The following NBAS variants were observed in gnomAD, a reference collection of about 807,000 sequenced individuals.
NBAS encodes NAG/BC035112 fusion.
Under a neutral mutation model 302.5 loss-of-function variants are expected in NBAS, and 219 were observed. The observed-to-expected ratio is 0.72, with a 90% confidence interval of 0.65 to 0.81. NBAS has a LOEUF of 0.81. NBAS is among the 30% of genes least tolerant of loss of function. The pLI is 0.00. For synonymous variants in NBAS, 1,118 were observed against 1,021.6 expected, an observed-to-expected ratio of 1.09 and a Z score of -1.80; for missense variants, 2,932 against 2,841.6, an observed-to-expected ratio of 1.03 and a Z score of -0.72.
intron 12 of NBAS, among the ~76,000 whole-genome samples, chr2:15,481,226 C>T (rs1410547361): frequency 2.6e-5 from 4 of 152,122 alleles, no homozygotes; most frequent in African/African-American, 9.7e-5. Context: ...TCCATATATC[C>T]GTTAATGGAC....
intron 22 of NBAS, 104 bp from the exon 23 acceptor site, chr2:15,424,572 C>A: frequency 7.7e-7 from 1 of 1,304,618 alleles, no homozygotes; most frequent in Non-Finnish European, 1.1e-6. Flanking sequence ...AAGTAAGAGA[C>A]AGGGAGCATA....
intron 26 of NBAS, chr2:15,397,499 C>T (rs891414930): frequency 2.5e-5 from 14 of 561,792 alleles, no homozygotes; most frequent in African/African-American, 1.3e-4. Context: ...TGGGGGTGTT[C>T]GGTCCTTGCA....
At chr2:14,794,778 C>T in the NBAS span, among the ~76,000 whole-genome samples, 2 of 152,184 alleles carry the variant, frequency 1.3e-5, no homozygotes, top group Admixed American at 1.3e-4. Context: ...TTCCCCATTC[C>T]CAGTCAAAAA....
the NBAS span, among the ~76,000 whole-genome samples, chr2:14,887,024 T>C: frequency 1.3e-5 from 2 of 152,174 alleles, no homozygotes; most frequent in African/African-American, 4.8e-5. Context: ...TTAAATTGAT[T>C]GACAGAAAAA....
the NBAS span, among the ~76,000 whole-genome samples, chr2:15,038,255 G>A: frequency 6.6e-6 from 1 of 151,698 alleles, no homozygotes; most frequent in African/African-American, 2.4e-5. Context: ...TGGGACTATG[G>A]CGCGCACCAC....
At chr2:15,008,769 C>T in the NBAS span, among the ~76,000 whole-genome samples, 1 of 152,190 alleles carries the variant, frequency 6.6e-6, no homozygotes, top group African/African-American at 2.4e-5. Flanking sequence ...GGAAAGCACA[C>T]ACAGCCAGAT....
intron 28 of NBAS, among the ~76,000 whole-genome samples, chr2:15,386,874 T>G (rs6737962): frequency 0.6 from 91,241 of 151,720 alleles, 28,433 homozygotes; most frequent in Non-Finnish European, 0.68. Flanking sequence ...ATCTGTTAGT[T>G]CTCTCATGGC....
the NBAS span, among the ~76,000 whole-genome samples, chr2:14,786,605 G>T: frequency 1.3e-5 from 2 of 152,144 alleles, no homozygotes; most frequent in Admixed American, 6.5e-5. Flanking sequence ...GGAGCAGGTT[G>T]TTCAGTTTGC....
At chr2:14,786,036 A>T in the NBAS span, among the ~76,000 whole-genome samples, 80,868 of 151,878 alleles carry the variant, frequency 0.53, 24,402 homozygotes, top group African/African-American at 0.84. Flanking sequence ...AACTTCTTCA[A>T]GGTTTAGTCT....
rs544855206 is a variant in NBAS at position 15,554,212 on chromosome 2, T to C, written c.210-74A>G. The C allele has an allele frequency of 7.5e-6, 9 of 1,195,740 alleles. No homozygotes were observed. In the South Asian group the frequency reaches 9.0e-5, roughly 12 times the overall value. The allele number at this position is 1,195,740 out of a possible 1,614,324, so 74.1% of individuals were successfully genotyped here. A position where few individuals can be genotyped will look rare whatever the true frequency, so the allele number is the denominator to read the frequency against. ...CATATATGCAGACAAATAGCACATA[T>C]ACTTATAGAGAGAGACACAGATTTT... is the stretch of plus-strand genomic sequence containing the variant. On this transcript the variant is annotated intron_variant, in intron 3 of 51. Transcript: ENST00000281513.
chr2:14,915,333 GA>G, the NBAS span, among the ~76,000 whole-genome samples: 15 of 152,324 alleles, frequency 9.8e-5, no homozygotes, highest in Non-Finnish European at 1.9e-4. Flanking sequence ...CTAAGGTCAG[GA>G]AGAGCTGCAT....
At chr2:15,327,918 T>C in intron 37 of NBAS, 48 bp from the exon 38 acceptor site, 1 of 1,608,874 alleles carries the variant, frequency 6.2e-7, no homozygotes, top group Non-Finnish European at 8.5e-7. Context: ...CCTTTTGTCC[T>C]ACAAACATAT....
chr2:15,245,640 T>TGGATGGAC (rs1452870660), intron 44 of NBAS, among the ~76,000 whole-genome samples: 2 of 150,444 alleles, frequency 1.3e-5, no homozygotes, highest in African/African-American at 2.5e-5. Flanking sequence ...GATGGATGGA[T>TGGATGGAC]GGATGGACGG....
chr2:15,554,205 G>C, intron 3 of NBAS, 67 bp from the exon 4 acceptor site: 1 of 1,231,622 alleles, frequency 8.1e-7, no homozygotes. Flanking sequence ...CAGACAAATA[G>C]CACATATACT....
chr2:14,987,547 C>A, the NBAS span, among the ~76,000 whole-genome samples: 1 of 151,742 alleles, frequency 6.6e-6, no homozygotes, highest in Non-Finnish European at 1.5e-5. Context: ...ATATTCATAT[C>A]TTTTGGGAAG....
At chr2:15,119,945 A>G in the NBAS span, among the ~76,000 whole-genome samples, 147,619 of 152,166 alleles carry the variant, frequency 0.97, 71,640 homozygotes, top group East Asian at 1. Context: ...GCCCACCTGC[A>G]ACAGGAATGC....
At chr2:15,326,333 G>T (rs994056241) in intron 38 of NBAS, among the ~76,000 whole-genome samples, 1 of 152,082 alleles carries the variant, frequency 6.6e-6, no homozygotes, top group Non-Finnish European at 1.5e-5. Context: ...AATAAAACAA[G>T]GTATGCTCAC....
downstream of NBAS, among the ~76,000 whole-genome samples, chr2:15,164,908 C>T (rs73194914): frequency 0.023 from 3,513 of 152,230 alleles, 126 homozygotes; most frequent in African/African-American, 0.079. Context: ...GAGTCAAAGC[C>T]ATGGAGCTTC....
At chr2:15,021,585 G>A in the NBAS span, among the ~76,000 whole-genome samples, 1 of 152,170 alleles carries the variant, frequency 6.6e-6, no homozygotes, top group Non-Finnish European at 1.5e-5. Flanking sequence ...TGGTCAGGAA[G>A]GCCTTTGGGA....
Sources: gnomAD v4.1 joint callset for allele counts (sites outside exome capture counted in the v4.1 genomes callset) on GRCh38, gnomAD v4.1.1 for gene constraint, MANE v1.5 for transcripts, NCBI Gene and HGNC (gene_info 2026-07-23, HGNC 2026-07-21) for gene names.